Variants in DTNB observed in about 807,000 individuals in gnomAD.
The protein encoded by DTNB is dystrobrevin beta.
In DTNB, 63 loss-of-function variants were observed where a neutral mutation model predicts 90.7. That is an observed-to-expected ratio of 0.69 (90% CI 0.57 to 0.86). DTNB has a LOEUF of 0.86. Ranked by LOEUF, DTNB falls within the 40% of genes least tolerant of loss-of-function variation. DTNB has a pLI of 0.00. For missense variants in DTNB, 744 were observed against 807.1 expected (o/e 0.92, Z 0.95); for synonymous variants, 277 against 286.7 (o/e 0.97, Z 0.34).
At chr2:25,496,625 C>A (rs1371350823) in intron 9 of DTNB, among the ~76,000 whole-genome samples, 1 of 152,104 alleles carries the variant, frequency 6.6e-6, no homozygotes, top group East Asian at 1.9e-4. Context: ...AGGCGGATCA[C>A]CTGAGGTCAA....
intron 10 of DTNB, among the ~76,000 whole-genome samples, chr2:25,468,043 A>G (rs1260898192): frequency 6.6e-6 from 1 of 152,108 alleles, no homozygotes; most frequent in Non-Finnish European, 1.5e-5. Flanking sequence ...GGTCAGTTAT[A>G]TACCTGTGCA....
At chr2:25,564,466 C>T (rs2058714557) in intron 8 of DTNB, among the ~76,000 whole-genome samples, 1 of 152,084 alleles carries the variant, frequency 6.6e-6, no homozygotes, top group South Asian at 2.1e-4. Context: ...CTGCAACCTC[C>T]ACCTTCCAGG....
chr2:25,458,537 T>G (rs915880879), intron 10 of DTNB, among the ~76,000 whole-genome samples: 1 of 151,680 alleles, frequency 6.6e-6, no homozygotes, highest in African/African-American at 2.4e-5. Context: ...GGTGCAATCA[T>G]GGATCAATGC....
At chr2:25,383,626 G>T in intron 19 of DTNB, 1 of 1,011,088 alleles carries the variant, frequency 9.9e-7, no homozygotes, top group Non-Finnish European at 1.4e-6. Context: ...CCAGGATCAG[G>T]AAATGAGGAA....
At chr2:25,414,937 G>A (rs141314899) in intron 16 of DTNB, among the ~76,000 whole-genome samples, 1 of 152,226 alleles carries the variant, frequency 6.6e-6, no homozygotes, top group Non-Finnish European at 1.5e-5. Context: ...CAGTCACTCA[G>A]TGAAGTCTTA....
At chr2:25,669,309 G>A (rs1384959093) in intron 1 of DTNB, among the ~76,000 whole-genome samples, 1 of 152,006 alleles carries the variant, frequency 6.6e-6, no homozygotes, top group Non-Finnish European at 1.5e-5. Context: ...AAGTTAGAGT[G>A]CTGAAAAACT....
chr2:25,665,743 C>T (rs2084273625), intron 1 of DTNB, among the ~76,000 whole-genome samples: 1 of 150,854 alleles, frequency 6.6e-6, no homozygotes, highest in Non-Finnish European at 1.5e-5. Flanking sequence ...AATATTCTTC[C>T]TTTAATACTT....
At chr2:25,437,608 A>G (rs912902218) in intron 12 of DTNB, among the ~76,000 whole-genome samples, 6 of 152,140 alleles carry the variant, frequency 3.9e-5, no homozygotes, top group Non-Finnish European at 7.4e-5. Flanking sequence ...GAAGAAGAAG[A>G]AGAAAAAAGC....
At chr2:25,623,999 G>C (rs1194122238) in intron 4 of DTNB, among the ~76,000 whole-genome samples, 1 of 152,168 alleles carries the variant, frequency 6.6e-6, no homozygotes, top group African/African-American at 2.4e-5. Context: ...ATACCCTCCA[G>C]TGTTAACATC....
intron 9 of DTNB, among the ~76,000 whole-genome samples, chr2:25,520,048 A>G (rs189006978): frequency 6.6e-6 from 1 of 152,328 alleles, no homozygotes. Flanking sequence ...AGAATACAAT[A>G]AAACCAATTA....
At chr2:25,416,733 A>G (rs913502561) in intron 16 of DTNB, among the ~76,000 whole-genome samples, 3 of 151,826 alleles carry the variant, frequency 2.0e-5, no homozygotes, top group African/African-American at 7.3e-5. Context: ...TTACCCATTT[A>G]GGGTAAGACA....
rs1441963509 is a variant in DTNB at position 25,628,377 on chromosome 2, A to T, written c.156T>A (p.Leu52=). ...RFVQKRCNLH[L]VDIWNMIEAF... is the part of the protein sequence containing the mutation. ...CTTCAATCATGTTCCAGATATCAAC[A>T]AGATGAACTAAAAGACAAAGAAAAT... is the stretch of plus-strand genomic sequence containing the variant. The change falls in exon 4 of 21, where the codon CTT becomes CTA. Residue 52 remains leucine (L), a synonymous_variant. Coordinates refer to ENST00000406818, the MANE Select transcript of DTNB (RefSeq NM_021907.5). 3.7e-6 allele frequency: 6 copies of T among 1,612,666 alleles called. No individual in the cohort carries two copies. The highest frequency in any genetic ancestry group is 4.2e-6 in the Non-Finnish European group (5 of 1,179,498).
At chr2:25,474,268 T>C (rs1241117477) in intron 10 of DTNB, among the ~76,000 whole-genome samples, 2 of 151,668 alleles carry the variant, frequency 1.3e-5, no homozygotes, top group Admixed American at 1.3e-4. Flanking sequence ...ATGTGTTAAT[T>C]TTCAATTACT....
At chr2:25,621,539 C>T (rs1017059919) in intron 4 of DTNB, among the ~76,000 whole-genome samples, 3 of 150,408 alleles carry the variant, frequency 2.0e-5, no homozygotes, top group Non-Finnish European at 3.0e-5. Context: ...TTCCGCCTCC[C>T]GGGTTCAAGC....
intron 16 of DTNB, among the ~76,000 whole-genome samples, chr2:25,411,462 G>A (rs983047925): frequency 6.6e-6 from 1 of 152,150 alleles, no homozygotes; most frequent in African/African-American, 2.4e-5. Context: ...TCCCTACGGT[G>A]AGTACAGGTG....
At chr2:25,415,709 G>C (rs2047745025) in intron 16 of DTNB, among the ~76,000 whole-genome samples, 1 of 152,022 alleles carries the variant, frequency 6.6e-6, no homozygotes, top group South Asian at 2.1e-4. Context: ...ATACATAATG[G>C]AACCCCCATA....
At chr2:25,643,050 G>A (rs1333316089) in intron 2 of DTNB, among the ~76,000 whole-genome samples, 6 of 151,956 alleles carry the variant, frequency 3.9e-5, no homozygotes, top group Non-Finnish European at 5.9e-5. Flanking sequence ...CACCGCGCCC[G>A]GCCCCAGTAG....
At chr2:25,380,423 C>T (rs1428278497) in intron 19 of DTNB, among the ~76,000 whole-genome samples, 1 of 152,190 alleles carries the variant, frequency 6.6e-6, no homozygotes, top group African/African-American at 2.4e-5. Flanking sequence ...GGGACATATC[C>T]TAGAACCTAT....
intron 16 of DTNB, among the ~76,000 whole-genome samples, chr2:25,401,342 A>G (rs184048815): frequency 2.0e-5 from 3 of 152,336 alleles, no homozygotes; most frequent in African/African-American, 7.2e-5. Context: ...TTATGTATAA[A>G]AACAATCTCT....
Sources: allele counts gnomAD v4.1 joint callset (sites outside exome capture counted in the v4.1 genomes callset), GRCh38; gene constraint gnomAD v4.1.1; transcripts MANE v1.5; gene names NCBI Gene and HGNC (gene_info 2026-07-23, HGNC 2026-07-21).